The following GAPVD1 variants were observed in gnomAD, a reference collection of about 807,000 sequenced individuals.
GAPVD1 encodes GTPase activating protein and VPS9 domains 1.
Under a neutral mutation model 155.5 loss-of-function variants are expected in GAPVD1, and 35 were observed. That is an observed-to-expected ratio of 0.23 (90% CI 0.17 to 0.30). The LOEUF is 0.30. Among genes scored for constraint, GAPVD1 ranks in the 10% least tolerant of loss-of-function variants. GAPVD1 has a pLI of 1.00. For missense variants in GAPVD1, 1,429 were observed against 1,775.7 expected, an observed-to-expected ratio of 0.80 and a Z score of 3.51; for synonymous variants, 636 against 619.7, an observed-to-expected ratio of 1.03 and a Z score of -0.39.
Position 125,275,062 on chromosome 9 carries a change from T to C in GAPVD1, c.-150+6078T>C, listed in dbSNP as rs76476946. On this transcript the variant is annotated intron_variant, in intron 2 of 27. Coordinates refer to ENST00000297933, the MANE Select transcript of GAPVD1 (RefSeq NM_001282680.3). The stretch of plus-strand genomic sequence containing the variant: ...TTGTTGTTGTTGCTGTTTTTCGTTT[T>C]AATTTTTTTCAATTTTTAAATTAAA... Among the ~76,000 whole-genome samples the C allele has an allele frequency of 4.8e-3, 738 of 152,266 alleles. 6 individuals are homozygous for C. Among genetic ancestry groups the C allele is most frequent in the Middle Eastern group, 0.014 (4 of 294 alleles).
chr9:125,338,036 C>A (rs561049308), intron 17 of GAPVD1, among the ~76,000 whole-genome samples: 1 of 152,066 alleles, frequency 6.6e-6, no homozygotes, highest in South Asian at 2.1e-4. Context: ...CCACCACACC[C>A]GGCTAATTTT....
At chr9:125,285,142 A>G (rs1186389903) in intron 2 of GAPVD1, among the ~76,000 whole-genome samples, 2 of 152,218 alleles carry the variant, frequency 1.3e-5, no homozygotes, top group Non-Finnish European at 2.9e-5. Context: ...GACTCTGGCA[A>G]CTATTCAGCT....
At chr9:125,280,011 C>T (rs1836495698) in intron 2 of GAPVD1, among the ~76,000 whole-genome samples, 1 of 151,522 alleles carries the variant, frequency 6.6e-6, no homozygotes, top group African/African-American at 2.4e-5. Context: ...ATCCACTCAA[C>T]CTCGGCCTCC....
chr9:125,279,605 A>G (rs1380273014), intron 2 of GAPVD1, among the ~76,000 whole-genome samples: 1 of 151,700 alleles, frequency 6.6e-6, no homozygotes, highest in Non-Finnish European at 1.5e-5. Context: ...TCAAAAATAA[A>G]AAAAAAACAC....
At chr9:125,301,855 A>C in intron 4 of GAPVD1, 128 bp from the exon 5 acceptor site, 1 of 687,290 alleles carries the variant, frequency 1.5e-6, no homozygotes, top group Non-Finnish European at 2.3e-6. Flanking sequence ...AAAAAATTTT[A>C]GCAATTCAGA....
intron 9 of GAPVD1, among the ~76,000 whole-genome samples, chr9:125,319,686 C>T (rs1179917861): frequency 1.3e-5 from 2 of 151,406 alleles, no homozygotes; most frequent in African/African-American, 2.4e-5. Flanking sequence ...ATTGCAACCT[C>T]CACCTCCCGG....
intron 25 of GAPVD1, among the ~76,000 whole-genome samples, chr9:125,357,456 A>G (rs547453301): frequency 5.3e-5 from 8 of 151,968 alleles, no homozygotes; most frequent in African/African-American, 1.7e-4. Context: ...GCATGCGTGT[A>G]TAGTCCCAGC....
intron 2 of GAPVD1, among the ~76,000 whole-genome samples, chr9:125,286,750 A>G (rs1837766580): frequency 6.6e-6 from 1 of 152,098 alleles, no homozygotes; most frequent in African/African-American, 2.4e-5. Context: ...GGATATAGAC[A>G]TTAAAGATGA....
At position 125,294,651 on chromosome 9, in the gene GAPVD1, G is replaced by GTT. The variant is rs1564314778; in HGVS notation, c.-149-807_-149-806insTT. Among the ~76,000 whole-genome samples the GTT allele has an allele frequency of 5.1e-3, 627 of 123,826 alleles. 6 individuals carry two copies. The highest frequency in any genetic ancestry group is 0.018 in the African/African-American group (587 of 32,636). 81.2% of individuals were successfully genotyped at this position (123,826 alleles called of 152,430 possible). ...GTGAGCCACCGTACCCAGCTAAAAT[G>GTT]GTTTTTTTTTTTTTTTTTCAAACTT... is the stretch of plus-strand genomic sequence containing the variant. On this transcript the variant is annotated intron_variant, in intron 2 of 27. Coordinates refer to ENST00000297933, the MANE Select transcript of GAPVD1 (RefSeq NM_001282680.3).
chr9:125,308,071 C>A (rs1842122566), intron 8 of GAPVD1, 191 bp downstream of exon 8: 1 of 599,608 alleles, frequency 1.7e-6, no homozygotes, highest in Non-Finnish European at 3.0e-6. Flanking sequence ...TTTAGCTTTG[C>A]CTACATACTT....
At chr9:125,345,552 T>C (rs1246704008) in intron 19 of GAPVD1, among the ~76,000 whole-genome samples, 1 of 152,194 alleles carries the variant, frequency 6.6e-6, no homozygotes, top group African/African-American at 2.4e-5. Context: ...TTCAAACCCA[T>C]GTTGTTCAAG....
intron 9 of GAPVD1, among the ~76,000 whole-genome samples, chr9:125,317,517 C>T (rs1303807328): frequency 4.7e-5 from 7 of 148,590 alleles, no homozygotes; most frequent in African/African-American, 9.9e-5. Context: ...CCCAGTTACT[C>T]GGGAGGCTGA....
At chr9:125,332,911 A>G (rs971320514) in intron 15 of GAPVD1, among the ~76,000 whole-genome samples, 2 of 152,230 alleles carry the variant, frequency 1.3e-5, no homozygotes, top group African/African-American at 4.8e-5. Flanking sequence ...AAATAACTTA[A>G]AAAATTGAAA....
At chr9:125,332,379 A>G in intron 14 of GAPVD1, 131 bp from the exon 15 acceptor site, 2 of 687,706 alleles carry the variant, frequency 2.9e-6, no homozygotes, top group Non-Finnish European at 4.9e-6. Context: ...TAAAGGATAT[A>G]ATACTAAACT....
At position 125,314,296 on chromosome 9, in the gene GAPVD1, G is replaced by C. The variant is rs139796186; in HGVS notation, c.1602+1684G>C. 7.4e-3 allele frequency among the ~76,000 whole-genome samples: 1,124 copies of C among 152,252 alleles called. 10 individuals carry two copies. Among genetic ancestry groups the C allele is most frequent in the Non-Finnish European group, 0.013 (895 of 68,024 alleles). On this transcript the variant is annotated intron_variant, in intron 9 of 27. Transcript: ENST00000297933. ...AAACTAAGAAAATAAATTTTTTTAA[G>C]AAATGGAGTTTGAGGCTTGGGAATC...
intron 12 of GAPVD1, among the ~76,000 whole-genome samples, chr9:125,328,832 GAC>G (rs1491296433): frequency 5.8e-5 from 5 of 86,106 alleles, no homozygotes; most frequent in African/African-American, 5.0e-4. Context: ...GCAGGGGGCT[GAC>G]CCCCCCCCCA....
chr9:125,323,965 T>C (rs1844773053), intron 11 of GAPVD1, 42 bp downstream of exon 11: 3 of 1,582,630 alleles, frequency 1.9e-6, no homozygotes, highest in Non-Finnish European at 2.6e-6. Context: ...AGCAAAGAAT[T>C]TACCTGATTG....
At chr9:125,303,099 A>G (rs1156304213) in intron 5 of GAPVD1, among the ~76,000 whole-genome samples, 1 of 152,062 alleles carries the variant, frequency 6.6e-6, no homozygotes, top group Admixed American at 6.6e-5. Flanking sequence ...ATCTCAGCTC[A>G]CTGCAACCTC....
At chr9:125,264,028 A>G (rs1202013629) in intron 1 of GAPVD1, 1 of 1,232,232 alleles carries the variant, frequency 8.1e-7, no homozygotes, top group Non-Finnish European at 1.2e-6. Flanking sequence ...GCATGTGGAC[A>G]TCCTTCTTGG....
Sources: allele counts gnomAD v4.1 joint callset (sites outside exome capture counted in the v4.1 genomes callset), GRCh38; gene constraint gnomAD v4.1.1; transcripts MANE v1.5; gene names NCBI Gene and HGNC (gene_info 2026-07-23, HGNC 2026-07-21).